MBOAT1: variants seen among roughly 807,000 people sequenced by gnomAD.
MBOAT1 encodes the protein membrane-bound glycerophospholipid O-acyltransferase 1.
Under a neutral mutation model 64.4 loss-of-function variants are expected in MBOAT1, and 67 were observed. The observed-to-expected ratio is 1.04, with a 90% CI of 0.85 to 1.27. The LOEUF (loss-of-function observed/expected upper bound fraction) is 1.27, where lower values mean the gene tolerates loss of function less well. MBOAT1 is among the 50% of genes most tolerant of loss of function. MBOAT1 has a pLI of 0.00. For synonymous variants in MBOAT1, 229 were observed against 218.9 expected, an observed-to-expected ratio of 1.05 and a Z score of -0.41; for missense variants, 563 against 604.6, an observed-to-expected ratio of 0.93 and a Z score of 0.72.
At chr6:20,168,528 AAGAGG>A (rs748574504) in intron 1 of MBOAT1, among the ~76,000 whole-genome samples, 10 of 69,718 alleles carry the variant, frequency 1.4e-4, no homozygotes, top group Admixed American at 2.6e-4. Context: ...GAGAGGAGAG[AAGAGG>A]AGAGGAGAGG....
At chr6:20,125,878 C>T (rs1760634799) in intron 7 of MBOAT1, 1 of 439,822 alleles carries the variant, frequency 2.3e-6, no homozygotes, top group Non-Finnish European at 4.5e-6. Flanking sequence ...CCAATTTTCA[C>T]CACTCCTTTC....
At chr6:20,206,103 G>A (rs747777511) in intron 1 of MBOAT1, among the ~76,000 whole-genome samples, 46 of 151,834 alleles carry the variant, frequency 3.0e-4, no homozygotes, top group Non-Finnish European at 1.0e-4. Context: ...TTACCATCAC[G>A]ACAGCAAAGC....
At chr6:20,203,765 G>A (rs62397949) in intron 1 of MBOAT1, among the ~76,000 whole-genome samples, 5,092 of 150,290 alleles carry the variant, frequency 0.034, 106 homozygotes, top group Non-Finnish European at 0.054. Context: ...GATGCCAGGA[G>A]CTATATAAAC....
intron 8 of MBOAT1, 115 bp from the exon 9 acceptor site, chr6:20,118,655 G>A: frequency 1.3e-6 from 1 of 768,924 alleles, no homozygotes; most frequent in South Asian, 1.8e-5. Context: ...TAGTGTCTTT[G>A]GAAAAGGAAC....
chr6:20,189,142 C>G (rs1022021645), intron 1 of MBOAT1, among the ~76,000 whole-genome samples: 1 of 152,122 alleles, frequency 6.6e-6, no homozygotes. Context: ...TTTTGCACCC[C>G]CTAAGAATGC....
chr6:20,156,690 T>G (rs56034808), intron 1 of MBOAT1, among the ~76,000 whole-genome samples: 2,511 of 152,340 alleles, frequency 0.016, 70 homozygotes, highest in African/African-American at 0.057. Context: ...GTGAAAACAT[T>G]TGAACCCATG....
intron 7 of MBOAT1, among the ~76,000 whole-genome samples, chr6:20,125,695 G>A (rs1054373644): frequency 6.6e-6 from 1 of 152,214 alleles, no homozygotes; most frequent in Admixed American, 6.5e-5. Flanking sequence ...AGATGAACTT[G>A]AGATACTTGA....
chr6:20,120,367 A>C (rs1232946637), intron 8 of MBOAT1, among the ~76,000 whole-genome samples: 1 of 152,176 alleles, frequency 6.6e-6, no homozygotes, highest in Non-Finnish European at 1.5e-5. Context: ...TATTATTATT[A>C]TGCTATTAAG....
At chr6:20,125,170 T>C (rs546860704) in intron 7 of MBOAT1, among the ~76,000 whole-genome samples, 1 of 152,314 alleles carries the variant, frequency 6.6e-6, no homozygotes, top group East Asian at 1.9e-4. Flanking sequence ...ACTTTTTAAA[T>C]TCCTCTGGAC....
chr6:20,166,131 T>C (rs571017157), intron 1 of MBOAT1, among the ~76,000 whole-genome samples: 91 of 152,256 alleles, frequency 6.0e-4, no homozygotes, highest in African/African-American at 2.1e-3. Context: ...AATATACCCA[T>C]ATGCATTGAT....
chr6:20,111,971 C>T (rs184835361), intron 11 of MBOAT1, among the ~76,000 whole-genome samples: 10 of 148,702 alleles, frequency 6.7e-5, no homozygotes, highest in East Asian at 2.0e-4. Context: ...GGTATCCCAG[C>T]GCCTAGAACA....
At chr6:20,129,371 T>C (rs1445335800) in intron 5 of MBOAT1, among the ~76,000 whole-genome samples, 2 of 152,270 alleles carry the variant, frequency 1.3e-5, no homozygotes, top group Admixed American at 6.5e-5. Context: ...ACATCCATGC[T>C]TTCTGTGAAA....
rs1759809793 is a variant in MBOAT1 at position 20,102,097 on chromosome 6, A to C, written c.*189T>G. ...GCCACTGCACTCCAGCCTGGGCGACAGAGCGAGACTCCGTCTCAAAAAAAA... is the reference window on the plus strand; with the variant it reads ...GCCACTGCACTCCAGCCTGGGCGACCGAGCGAGACTCCGTCTCAAAAAAAA... On this transcript the variant is annotated 3_prime_UTR_variant, in exon 13 of 13. Transcript: ENST00000324607. 1 of 327,158 alleles carries C rather than the reference A, an allele frequency of 3.1e-6. No homozygotes were observed. Among genetic ancestry groups the C allele is most frequent in the African/African-American group, 2.8e-5 (1 of 36,150 alleles). The allele number at this position is 327,158 out of a possible 1,614,324, so 20.3% of individuals were successfully genotyped here.
intron 4 of MBOAT1, among the ~76,000 whole-genome samples, chr6:20,142,758 GT>G (rs1761216670): frequency 1.3e-5 from 2 of 152,152 alleles, no homozygotes; most frequent in South Asian, 4.1e-4. Context: ...CCTGCATATT[GT>G]TAAAAAACAA....
At chr6:20,131,395 C>T (rs968434532) in intron 4 of MBOAT1, among the ~76,000 whole-genome samples, 196 bp from the exon 5 acceptor site, 4 of 152,210 alleles carry the variant, frequency 2.6e-5, no homozygotes, top group African/African-American at 7.2e-5. Context: ...TGAGTTCTCA[C>T]AAGACCTGAT....
At chr6:20,171,991 C>A (rs1263806247) in intron 1 of MBOAT1, among the ~76,000 whole-genome samples, 2 of 152,022 alleles carry the variant, frequency 1.3e-5, no homozygotes, top group African/African-American at 4.8e-5. Flanking sequence ...TATGATCACA[C>A]CACTGTACTC....
At chr6:20,105,188 C>T (rs1265284124) in intron 12 of MBOAT1, among the ~76,000 whole-genome samples, 12 of 148,946 alleles carry the variant, frequency 8.1e-5, no homozygotes, top group African/African-American at 3.0e-4. Flanking sequence ...TTGAGCTTTG[C>T]CTTAATCTTT....
At chr6:20,142,040 A>G (rs758222044) in intron 4 of MBOAT1, among the ~76,000 whole-genome samples, 9 of 151,756 alleles carry the variant, frequency 5.9e-5, no homozygotes, top group Non-Finnish European at 1.3e-4. Context: ...TTGGCCACAC[A>G]AAAGTTGTTG....
chr6:20,111,150 AC>A (rs1323987952), intron 11 of MBOAT1, among the ~76,000 whole-genome samples: 81 of 152,234 alleles, frequency 5.3e-4, no homozygotes, highest in African/African-American at 1.8e-3. Context: ...CGAAGGATAT[AC>A]TCCTTTGTAG....
Sources: allele counts gnomAD v4.1 joint callset (sites outside exome capture counted in the v4.1 genomes callset), GRCh38; gene constraint gnomAD v4.1.1; transcripts MANE v1.5; gene names NCBI Gene and HGNC (gene_info 2026-07-23, HGNC 2026-07-21).